Variants in SFXN5 observed in about 807,000 individuals in gnomAD.
SFXN5 encodes the protein sideroflexin-5.
A neutral mutation model predicts 50.2 loss-of-function variants in SFXN5; 43 were observed. The observed-to-expected ratio is 0.86, with a 90% CI of 0.67 to 1.11. The LOEUF is 1.11. SFXN5 is among the 50% of genes least tolerant of loss of function. SFXN5 has a pLI of 0.00. For synonymous variants in SFXN5, 203 were observed against 185.8 expected (o/e 1.09, Z -0.75); for missense variants, 463 against 454.1 (o/e 1.02, Z -0.18).
chr2:73,025,485 T>C (rs1356811704), intron 3 of SFXN5, among the ~76,000 whole-genome samples: 2 of 152,166 alleles, frequency 1.3e-5, no homozygotes, highest in South Asian at 2.1e-4. Context: ...TAGACTTAAG[T>C]TGACTTCTGG....
At chr2:73,039,114 G>C (rs1679298158) in intron 3 of SFXN5, among the ~76,000 whole-genome samples, 1 of 152,164 alleles carries the variant, frequency 6.6e-6, no homozygotes, top group African/African-American at 2.4e-5. Context: ...TTTTAGTGGA[G>C]ACAGGGTTTC....
chr2:73,031,039 A>G (rs964682727), intron 3 of SFXN5, among the ~76,000 whole-genome samples: 2 of 152,250 alleles, frequency 1.3e-5, no homozygotes, highest in African/African-American at 4.8e-5. Flanking sequence ...CTAGAAAAAG[A>G]TAATAGAAGA....
chr2:73,029,228 G>C (rs1340961438), intron 3 of SFXN5, among the ~76,000 whole-genome samples: 4 of 152,210 alleles, frequency 2.6e-5, no homozygotes, highest in Non-Finnish European at 5.9e-5. Flanking sequence ...CCAAGTCCCT[G>C]AGTTGCAACG....
At chr2:73,007,087 T>C (rs1425683565) in intron 6 of SFXN5, among the ~76,000 whole-genome samples, 2 of 152,204 alleles carry the variant, frequency 1.3e-5, no homozygotes, top group Non-Finnish European at 2.9e-5. Context: ...TATCTCAGTC[T>C]GCTTGGCCAG....
intron 13 of SFXN5, among the ~76,000 whole-genome samples, chr2:72,957,676 T>C (rs1381873946): frequency 6.6e-6 from 1 of 152,272 alleles, no homozygotes; most frequent in Non-Finnish European, 1.5e-5. Flanking sequence ...ACATGATCCC[T>C]GTATGGCAGA....
chr2:72,966,197 T>C (rs1040038382), intron 12 of SFXN5, among the ~76,000 whole-genome samples: 3 of 152,172 alleles, frequency 2.0e-5, no homozygotes, highest in Admixed American at 6.5e-5. Context: ...GCGTCCATTG[T>C]CCCCGAGGCC....
intron 6 of SFXN5, among the ~76,000 whole-genome samples, chr2:73,013,838 C>G (rs2105785289): frequency 6.6e-6 from 1 of 152,126 alleles, no homozygotes; most frequent in East Asian, 1.9e-4. Context: ...TGAAGCACCC[C>G]CTGTTCTCCT....
chr2:72,980,002 C>G (rs1479129481), intron 10 of SFXN5, among the ~76,000 whole-genome samples: 1 of 152,070 alleles, frequency 6.6e-6, no homozygotes, highest in Non-Finnish European at 1.5e-5. Context: ...AACAAACAAG[C>G]ACTCTAGTAG....
In SFXN5 at chr2:73,071,670, C is replaced by A. The variant is rs774482608; in HGVS notation, c.36G>T (p.Ala12=). The change falls in exon 1 of 14, where the codon GCG becomes GCT. Residue 12 remains alanine (A), a synonymous_variant. Coordinates refer to ENST00000272433, the MANE Select transcript of SFXN5 (RefSeq NM_144579.3). ...CGCTCGAGGCGCTAGCGGCACTAGC[C>A]GCCGCCGCCGATGCTGTAGTCGCTG... ...ADTATTASAA[A]ASAASASSDA... 1.9e-5 allele frequency: 31 copies of A among 1,603,826 alleles called. No individual in the cohort carries two copies. The highest frequency in any genetic ancestry group is 6.8e-6 in the Non-Finnish European group (8 of 1,175,424).
intron 10 of SFXN5, among the ~76,000 whole-genome samples, chr2:72,977,566 C>CA (rs1670771190): frequency 1.3e-5 from 2 of 152,138 alleles, no homozygotes; most frequent in Non-Finnish European, 2.9e-5. Flanking sequence ...AAAGGGTTTA[C>CA]AAACAGCTAT....
At chr2:73,071,028 A>T (rs200630678) in intron 1 of SFXN5, 2 of 152,436 alleles carry the variant, frequency 1.3e-5, no homozygotes, top group Non-Finnish European at 2.9e-5. Context: ...GGGACGCCGG[A>T]CCGCCGCTCG....
rs142843041 is a variant in SFXN5 at position 73,001,691 on chromosome 2, G to A, written c.358-113C>T. 1,064 of 1,037,868 alleles carry A rather than the reference G, an allele frequency of 1.0e-3. 7 individuals are homozygous for A. Among genetic ancestry groups the A allele is most frequent in the South Asian group, 4.9e-3 (357 of 73,030 alleles). The allele number at this position is 1,037,868 out of a possible 1,614,324, so 64.3% of individuals were successfully genotyped here. On this transcript the variant is annotated intron_variant, in intron 6 of 13. Transcript: ENST00000272433. ...GAGCTGGATCTGTACAAACTGATGTGGTATGCCGTGTACATACAAACTGAG... is the reference window on the plus strand; with the variant it reads ...GAGCTGGATCTGTACAAACTGATGTAGTATGCCGTGTACATACAAACTGAG...
At chr2:73,067,241 T>C (rs1683244752) in intron 1 of SFXN5, among the ~76,000 whole-genome samples, 2 of 152,288 alleles carry the variant, frequency 1.3e-5, no homozygotes, top group East Asian at 3.9e-4. Context: ...TCTTCCAAAA[T>C]TGTCAAGGTC....
In SFXN5 at chr2:72,992,771, T is replaced by C. The variant is rs1672754513; in HGVS notation, c.535-4423A>G. Among the ~76,000 whole-genome samples, 1 of 152,202 alleles carries C rather than the reference T, an allele frequency of 6.6e-6. No homozygotes were observed. The highest frequency in any genetic ancestry group is 1.5e-5 in the Non-Finnish European group (1 of 68,034). On this transcript the variant is annotated intron_variant, in intron 9 of 13. Transcript: ENST00000272433. This position sits in a 1 kb window ranked among gnomAD's most constrained non-coding sequence, Gnocchi z 4.5. ...CCCCCTGTTTCCACTCTTGCCCCCA[T>C]CCATCTGCTCTCTACAGCAGTCGGA...
chr2:72,965,947 T>A (rs1674345953), intron 12 of SFXN5, among the ~76,000 whole-genome samples: 1 of 152,076 alleles, frequency 6.6e-6, no homozygotes, highest in African/African-American at 2.4e-5. Flanking sequence ...GAATGCAACA[T>A]CTTGAGATAA....
chr2:73,058,579 G>A lies in SFXN5; in HGVS notation c.120C>T (p.Arg40=), dbSNP rs1682432510. 1 of 1,613,984 alleles carries A rather than the reference G, an allele frequency of 6.2e-7. No homozygotes were observed. Among genetic ancestry groups the A allele is most frequent in the South Asian group, 1.1e-5 (1 of 91,078 alleles). Residue 40 remains arginine, a synonymous_variant, in exon 2 of 14, where the codon CGC becomes CGT. Transcript: ENST00000272433. ...PRFQQTSFYG[R]FRHFLDIIDP... The stretch of plus-strand genomic sequence containing the variant: ...CGATGATATCCAAGAAGTGCCTGAA[G>A]CGGCCATAGAAGGACGTCTGAAGAA...
chr2:72,988,157 G>A lies in SFXN5; in HGVS notation c.625+101C>T. The A allele has an allele frequency of 6.6e-6, 7 of 1,061,110 alleles. No homozygotes were observed. In the South Asian group the frequency reaches 9.5e-5, roughly 14 times the overall value. The allele number at this position is 1,061,110 out of a possible 1,614,324, so 65.7% of individuals were successfully genotyped here. ...CAATTCTCCCAGCTGGGTGCCCCCT[G>A]GGCATCAGGAGAGGTGTGGAAGGGT... On this transcript the variant is annotated intron_variant, in intron 10 of 13. Transcript: ENST00000272433.
intron 1 of SFXN5, 24 bp from the exon 2 acceptor site, chr2:73,058,620 G>T (rs1030027291): frequency 3.1e-6 from 5 of 1,609,566 alleles, no homozygotes; most frequent in Non-Finnish European, 3.4e-6. Context: ...TGAGAGAGAA[G>T]AGTGAATGGA....
intron 13 of SFXN5, among the ~76,000 whole-genome samples, chr2:72,946,891 C>T (rs1672003598): frequency 2.0e-5 from 3 of 152,210 alleles, no homozygotes; most frequent in Admixed American, 2.0e-4. Flanking sequence ...CCCGCGCCAC[C>T]CTGCTCCTTG....
Sources: allele counts gnomAD v4.1 joint callset (sites outside exome capture counted in the v4.1 genomes callset), GRCh38; gene constraint gnomAD v4.1.1; non-coding constraint Gnocchi (gnomAD v3.1); transcripts MANE v1.5; gene names NCBI Gene and HGNC (gene_info 2026-07-23, HGNC 2026-07-21).